Variants in GGT1 observed in about 807,000 individuals in gnomAD.
GGT1 encodes glutathione hydrolase 1 proenzyme.
GGT1 carries 21 observed loss-of-function variants against 56.0 expected under a neutral mutation model. The observed-to-expected ratio is 0.38, with a 90% CI of 0.27 to 0.54. The LOEUF (loss-of-function observed/expected upper bound fraction) is 0.54. Ranked by LOEUF, GGT1 falls within the 20% of genes least tolerant of loss-of-function variation. GGT1 has a pLI of 0.82. For synonymous variants in GGT1, 238 were observed against 342.6 expected (o/e 0.69, Z 3.37); for missense variants, 466 against 787.0 (o/e 0.59, Z 4.88).
At chr22:24,590,108 C>T (rs2045524714), upstream of GGT1, among the ~76,000 whole-genome samples, 1 of 152,206 alleles carries the variant, frequency 6.6e-6, no homozygotes, top group South Asian at 2.1e-4. Flanking sequence ...GCCAACAGTC[C>T]AGTGGCGGGT....
chr22:24,596,742 C>CAAAAAAAAAAA (rs57547019), intron 1 of GGT1, among the ~76,000 whole-genome samples: 1 of 108,330 alleles, frequency 9.2e-6, no homozygotes. Context: ...TACTAAAATA[C>CAAAAAAAAAAA]AAAAAAAAAA....
In GGT1 at chr22:24,605,788, TATATA is replaced by T. The variant is rs1272532154; in HGVS notation, c.-428-2160_-428-2156del. ...ATATTATATAATGTGTATTATATAT[TATATA>T]ATATATGATGTGTATTATATATTAT... On this transcript the variant is annotated intron_variant, in intron 1 of 15. Coordinates refer to ENST00000400382, the MANE Select transcript of GGT1 (RefSeq NM_001288833.2). Among the ~76,000 whole-genome samples the T allele has an allele frequency of 1.4e-4, 10 of 71,688 alleles. 4 individuals are homozygous for T. The East Asian group carries it at 1.4e-3, about 10-fold the overall frequency. 47.0% of individuals were successfully genotyped at this position (71,688 alleles called of 152,430 possible).
At chr22:24,587,451 C>A in the GGT1 span, among the ~76,000 whole-genome samples, 1 of 152,220 alleles carries the variant, frequency 6.6e-6, no homozygotes, top group South Asian at 2.1e-4. Context: ...AGGACCCCCA[C>A]CAGCCATGGC....
chr22:24,612,978 A>C (rs1467679153), intron 5 of GGT1, among the ~76,000 whole-genome samples: 1 of 152,198 alleles, frequency 6.6e-6, no homozygotes, highest in African/African-American at 2.4e-5. Flanking sequence ...GGTGTGAGCC[A>C]TGGTGCCTGG....
intron 2 of GGT1, among the ~76,000 whole-genome samples, chr22:24,608,224 G>A (rs946761769): frequency 6.6e-6 from 1 of 152,176 alleles, no homozygotes; most frequent in Non-Finnish European, 1.5e-5. Context: ...ACCTCAGCAG[G>A]GTGTCTTCCT....
At chr22:24,626,674 C>A (rs1223641798) in intron 11 of GGT1, among the ~76,000 whole-genome samples, 1 of 151,240 alleles carries the variant, frequency 6.6e-6, no homozygotes, top group African/African-American at 2.4e-5. Context: ...CTGGTTGATA[C>A]CCACAGCCTC....
chr22:24,597,833 G>A (rs2045720738), intron 1 of GGT1, among the ~76,000 whole-genome samples: 2 of 152,220 alleles, frequency 1.3e-5, no homozygotes, highest in South Asian at 2.1e-4. Context: ...TCCAGCTGGT[G>A]TCTTCCAATT....
chr22:24,594,059 C>T (rs1394229121), upstream of GGT1, among the ~76,000 whole-genome samples: 1 of 152,134 alleles, frequency 6.6e-6, no homozygotes, highest in African/African-American at 2.4e-5. Flanking sequence ...GTGGGGGTGG[C>T]GGCAGGCAGA....
chr22:24,620,969 C>A lies in GGT1; in HGVS notation c.632C>A (p.Pro211Gln). ...CGGGAGGGGGAGAGACTGACCCTGC[C>A]GCAGCTGGCTGACACCTACGAGACG... ...VLREGERLTL[P>Q]QLADTYETLA... is the part of the protein sequence containing the mutation. Residue 211 changes from proline (P) to glutamine (Q), a missense_variant, in exon 9 of 16, where the codon CCG becomes CAG. Physicochemically the swap from Pro to Gln is moderately conservative, Grantham distance 76. Transcript: ENST00000400382. The surrounding 1 kb of genome is among the most constrained non-coding windows in gnomAD (Gnocchi z 5.6). 1.9e-6 allele frequency: 3 copies of A among 1,611,992 alleles called. No individual in the cohort carries two copies. The highest frequency in any genetic ancestry group is 1.3e-5 in the African/African-American group (1 of 74,972).
upstream of GGT1, among the ~76,000 whole-genome samples, chr22:24,594,632 C>T (rs935048122): frequency 6.6e-6 from 1 of 152,134 alleles, no homozygotes; most frequent in South Asian, 2.1e-4. Context: ...GCTTGCACCC[C>T]CTTCTCCCCT....
At chr22:24,626,531 C>T (rs200910644) in intron 11 of GGT1, among the ~76,000 whole-genome samples, 2 of 151,782 alleles carry the variant, frequency 1.3e-5, no homozygotes, top group East Asian at 3.9e-4. Flanking sequence ...CACCCATGCT[C>T]TTCAGGTCTG....
intron 7 of GGT1, among the ~76,000 whole-genome samples, chr22:24,618,772 G>C (rs2047224814): frequency 6.6e-6 from 1 of 152,226 alleles, no homozygotes; most frequent in Admixed American, 6.5e-5. Flanking sequence ...CAGTTCTAGA[G>C]CCACAGCTGC....
chr22:24,622,039 C>CA (rs1057143634), intron 9 of GGT1, among the ~76,000 whole-genome samples: 1,761 of 105,666 alleles, frequency 0.017, 85 homozygotes, highest in Admixed American at 0.14. Context: ...GATTCCATCT[C>CA]AAAAAAAAAA....
the GGT1 span, chr22:24,586,561 C>T: frequency 2.5e-4 from 237 of 930,902 alleles, no homozygotes; most frequent in African/African-American, 1.7e-3. Flanking sequence ...GACAAAGTTT[C>T]GCTCTTTTTG....
At chr22:24,597,084 G>A (rs111958615) in intron 1 of GGT1, among the ~76,000 whole-genome samples, 3,131 of 151,238 alleles carry the variant, frequency 0.021, 97 homozygotes, top group African/African-American at 0.073. Flanking sequence ...CCAGGTTCAA[G>A]CGATTCTCCT....
upstream of GGT1, chr22:24,592,995 A>G: frequency 8.7e-7 from 1 of 1,149,378 alleles, no homozygotes; most frequent in Non-Finnish European, 1.1e-6. Flanking sequence ...CCCCGGCCTC[A>G]GAGCCAGCCT....
At position 24,595,286 on chromosome 22, in the gene GGT1, C is replaced by T. The variant is rs146777645; in HGVS notation, c.-324+400C>T. ...CTGCCTGCTTGTGGGGTGCCTAGGG[C>T]GAGTGGGCTTTTGGAGACAATTTCT... On this transcript the variant is annotated intron_variant, in intron 1 of 6. Coordinates refer to the GGT1 transcript ENST00000411974. 5.5e-4 allele frequency among the ~76,000 whole-genome samples: 83 copies of T among 152,230 alleles called. No individual in the cohort carries two copies. In the East Asian group the frequency reaches 0.01, roughly 18 times the overall value.
At position 24,597,684 on chromosome 22, in the gene GGT1, A is replaced by ACACACACACACACACACACAC. The variant is rs60798811; in HGVS notation, c.-324+2798_-324+2799insCACACACACACACACACACAC. 2.5e-3 allele frequency among the ~76,000 whole-genome samples: 373 copies of ACACACACACACACACACACAC among 148,808 alleles called. 2 individuals carry two copies. The highest frequency in any genetic ancestry group is 8.7e-3 in the African/African-American group (356 of 40,690). On this transcript the variant is annotated intron_variant, in intron 1 of 6. Coordinates refer to the GGT1 transcript ENST00000411974. ...TGACAGAGTGAGACTCCATCTCAAA[A>ACACACACACACACACACACAC]ACACACACACACACACACACACAAA...
intron 11 of GGT1, among the ~76,000 whole-genome samples, chr22:24,625,548 G>GT (rs1007309688): frequency 0.033 from 4,903 of 146,928 alleles, 276 homozygotes; most frequent in African/African-American, 0.11. Context: ...TTACAGGTGT[G>GT]TTTTTTTTTT....
Sources: allele counts gnomAD v4.1 joint callset (sites outside exome capture counted in the v4.1 genomes callset), GRCh38; gene constraint gnomAD v4.1.1; non-coding constraint Gnocchi (gnomAD v3.1); transcripts MANE v1.5; gene names NCBI Gene and HGNC (gene_info 2026-07-23, HGNC 2026-07-21).